FBXL17: variants seen among roughly 807,000 people sequenced by gnomAD.
FBXL17 encodes the protein F-box/LRR-repeat protein 17.
Under a neutral mutation model 66.2 loss-of-function variants are expected in FBXL17, and 22 were observed. That is an observed-to-expected ratio of 0.33 (90% CI 0.24 to 0.47). FBXL17 has a LOEUF of 0.47. Among genes scored for constraint, FBXL17 ranks in the 20% least tolerant of loss-of-function variants. The probability of loss-of-function intolerance (pLI) is 1.00; values close to 1 mark genes in which losing one functional copy is unlikely to be tolerated. For missense variants in FBXL17, 878 were observed against 948.2 expected (o/e 0.93, Z 0.97); for synonymous variants, 474 against 400.5 (o/e 1.18, Z -2.19).
intron 7 of FBXL17, among the ~76,000 whole-genome samples, chr5:107,927,782 C>T (rs1047040055): frequency 1.3e-5 from 2 of 152,068 alleles, no homozygotes; most frequent in Admixed American, 6.6e-5. Context: ...ACTCAACCAA[C>T]TCTTTTTCTT....
At chr5:107,989,007 A>G (rs1753125881) in intron 7 of FBXL17, among the ~76,000 whole-genome samples, 1 of 151,760 alleles carries the variant, frequency 6.6e-6, no homozygotes, top group Admixed American at 6.6e-5. Flanking sequence ...TTCTCTTTTT[A>G]TTGATAGATA....
At chr5:107,948,898 AG>A (rs1751402302) in intron 7 of FBXL17, among the ~76,000 whole-genome samples, 1 of 152,236 alleles carries the variant, frequency 6.6e-6, no homozygotes, top group Non-Finnish European at 1.5e-5. Context: ...TAGTCAATAC[AG>A]ACAGAGCATT....
chr5:108,334,040 A>G (rs1760260385), intron 4 of FBXL17, among the ~76,000 whole-genome samples: 1 of 152,190 alleles, frequency 6.6e-6, no homozygotes, highest in Non-Finnish European at 1.5e-5. Flanking sequence ...AGCCTGACCT[A>G]CAGTGCTATT....
chr5:108,174,709 T>G (rs1752726980), intron 6 of FBXL17, among the ~76,000 whole-genome samples: 1 of 146,228 alleles, frequency 6.8e-6, no homozygotes, highest in Admixed American at 6.9e-5. Context: ...ACTCATACAA[T>G]TTTTTTTCTC....
chr5:107,994,838 TC>T (rs1753408352), intron 7 of FBXL17, among the ~76,000 whole-genome samples: 1 of 152,060 alleles, frequency 6.6e-6, no homozygotes, highest in African/African-American at 2.4e-5. Context: ...AGGCTCCATC[TC>T]AAAAAACAAA....
chr5:107,949,342 G>A (rs1056897628), intron 7 of FBXL17, among the ~76,000 whole-genome samples: 5 of 152,152 alleles, frequency 3.3e-5, no homozygotes, highest in Non-Finnish European at 2.9e-5. Flanking sequence ...CAAGTAGGGA[G>A]GTAAGGGGCC....
At chr5:108,289,776 T>C (rs972884546) in intron 4 of FBXL17, among the ~76,000 whole-genome samples, 1 of 152,132 alleles carries the variant, frequency 6.6e-6, no homozygotes, top group Admixed American at 6.6e-5. Flanking sequence ...AGAACAGAAA[T>C]TGCTTTGGAA....
At chr5:108,180,319 T>A (rs144999565) in intron 6 of FBXL17, among the ~76,000 whole-genome samples, 3,181 of 152,190 alleles carry the variant, frequency 0.021, 123 homozygotes, top group African/African-American at 0.072. Context: ...TAGACCAGCC[T>A]GGCCAACATG....
intron 7 of FBXL17, among the ~76,000 whole-genome samples, chr5:107,922,285 A>G (rs965951408): frequency 6.6e-6 from 1 of 152,196 alleles, no homozygotes; most frequent in Non-Finnish European, 1.5e-5. Context: ...GCACAGAAGG[A>G]TGAATACAGA....
intron 4 of FBXL17, among the ~76,000 whole-genome samples, chr5:108,308,052 C>T (rs918228156): frequency 3.3e-5 from 5 of 152,054 alleles, no homozygotes; most frequent in African/African-American, 1.2e-4. Context: ...GTTCTTGGTT[C>T]TGTTTGTTCC....
At chr5:108,069,493 T>C (rs1450071136) in intron 6 of FBXL17, among the ~76,000 whole-genome samples, 1 of 152,228 alleles carries the variant, frequency 6.6e-6, no homozygotes, top group African/African-American at 2.4e-5. Flanking sequence ...TCTGTTAATG[T>C]GTTTTTGTGT....
intron 6 of FBXL17, among the ~76,000 whole-genome samples, chr5:108,155,775 T>C (rs1424388561): frequency 2.0e-5 from 3 of 152,170 alleles, no homozygotes; most frequent in African/African-American, 4.8e-5. Context: ...TAGAATAAAT[T>C]ATGATTTAGA....
intron 7 of FBXL17, among the ~76,000 whole-genome samples, chr5:107,979,749 G>A (rs1752735221): frequency 6.6e-6 from 1 of 152,068 alleles, no homozygotes; most frequent in South Asian, 2.1e-4. Context: ...TTGTTTATTT[G>A]AACAAATATT....
chr5:108,244,923 T>C (rs1487219920), intron 4 of FBXL17, among the ~76,000 whole-genome samples: 1 of 152,162 alleles, frequency 6.6e-6, no homozygotes, highest in East Asian at 1.9e-4. Flanking sequence ...GATACTTGAA[T>C]ATGGCAGCAT....
intron 6 of FBXL17, among the ~76,000 whole-genome samples, chr5:108,053,150 G>C (rs1276083234): frequency 6.6e-6 from 1 of 152,096 alleles, no homozygotes; most frequent in East Asian, 1.9e-4. Flanking sequence ...AAAGACTTCA[G>C]GACAAAATGC....
chr5:108,176,475 AGAC>A (rs1048138007), intron 6 of FBXL17, among the ~76,000 whole-genome samples: 8 of 152,140 alleles, frequency 5.3e-5, no homozygotes, highest in African/African-American at 1.9e-4. Context: ...TAGGAACCAA[AGAC>A]AACACAGAAA....
chr5:108,158,604 T>C (rs1752089927), intron 6 of FBXL17, among the ~76,000 whole-genome samples: 2 of 151,548 alleles, frequency 1.3e-5, no homozygotes, highest in Non-Finnish European at 2.9e-5. Flanking sequence ...TATTTAAACA[T>C]TAAAAAAATA....
At chr5:107,995,981 T>A (rs1027790811) in intron 7 of FBXL17, among the ~76,000 whole-genome samples, 1 of 152,156 alleles carries the variant, frequency 6.6e-6, no homozygotes, top group South Asian at 2.1e-4. Flanking sequence ...CCTCAACAGA[T>A]CTATTCTTTT....
chr5:108,354,349 T>C (rs1191813203), intron 3 of FBXL17, among the ~76,000 whole-genome samples: 2 of 151,722 alleles, frequency 1.3e-5, no homozygotes, highest in African/African-American at 2.4e-5. Flanking sequence ...CAAGCACCAA[T>C]AGGCACTATA....
Sources: allele counts gnomAD v4.1 joint callset (sites outside exome capture counted in the v4.1 genomes callset), GRCh38; gene constraint gnomAD v4.1.1; transcripts MANE v1.5; gene names NCBI Gene and HGNC (gene_info 2026-07-23, HGNC 2026-07-21).